IDUA: variants seen among roughly 807,000 people sequenced by gnomAD.
IDUA encodes the protein iduronidase alpha-L-.
Under a neutral mutation model 68.9 loss-of-function variants are expected in IDUA, and 65 were observed. That is an observed-to-expected ratio of 0.94 (90% CI 0.77 to 1.16). The LOEUF is 1.16. IDUA is among the 50% of genes most tolerant of loss of function. The pLI is 0.00. For synonymous variants in IDUA, 529 were observed against 433.6 expected, an observed-to-expected ratio of 1.22 and a Z score of -2.73; for missense variants, 1,046 against 938.0, an observed-to-expected ratio of 1.12 and a Z score of -1.50.
At chr4:987,774 G>A (rs1311099184) in intron 1 of IDUA, 35 bp from the exon 2 acceptor site, 4 of 1,610,894 alleles carry the variant, frequency 2.5e-6, no homozygotes, top group Admixed American at 3.3e-5. Context: ...GCCATGCTGA[G>A]GCTCGGGACT....
At chr4:988,245 T>A in intron 2 of IDUA, 1 of 1,269,544 alleles carries the variant, frequency 7.9e-7, no homozygotes, top group Non-Finnish European at 1.0e-6. Context: ...CTGGCCAGGC[T>A]GGGTAGGGCC....
At chr4:990,538 C>T (rs537966569) in intron 2 of IDUA, 72 of 635,530 alleles carry the variant, frequency 1.1e-4, no homozygotes, top group East Asian at 8.0e-4. Flanking sequence ...TGGTTCCACG[C>T]GTGCTCATGC....
chr4:1,002,997 C>T (rs1487117989), intron 9 of IDUA, 39 bp from the exon 10 acceptor site: 14 of 1,425,072 alleles, frequency 9.8e-6, no homozygotes, highest in South Asian at 1.5e-5. Flanking sequence ...CTGGAGGGGG[C>T]GGCCCGGGGA....
At chr4:1,002,711 C>A in intron 8 of IDUA, 21 bp from the exon 9 acceptor site, 1 of 1,403,260 alleles carries the variant, frequency 7.1e-7, no homozygotes, top group Non-Finnish European at 9.5e-7. Flanking sequence ...CACGCGGCGA[C>A]GGCCCCCCCC....
chr4:991,271 C>T lies in IDUA; in HGVS notation c.299+3322C>T, dbSNP rs387907486. ...AGGCCGTCCTGGGAGGGGTCAAAGC[C>T]GGCCAGCTGGAGCTCCCGGTCCACC... On this transcript the variant is annotated intron_variant, in intron 2 of 13. Transcript: ENST00000514224. The T allele has an allele frequency of 1.8e-5, 29 of 1,612,542 alleles. No homozygotes were observed. The highest frequency in any genetic ancestry group is 2.5e-5 in the Non-Finnish European group (29 of 1,179,866).
chr4:988,107 G>A, intron 2 of IDUA, 158 bp downstream of exon 2: 2 of 1,437,706 alleles, frequency 1.4e-6, no homozygotes, highest in Non-Finnish European at 1.8e-6. Context: ...GCTGGGGTGA[G>A]GGCTGTGTGC....
In IDUA at chr4:1,003,060, T is replaced by C; in HGVS notation, c.1427T>C (p.Leu476Pro). The change falls in exon 10 of 14, where the codon CTG (leucine) becomes CCG (proline). Residue 476 changes from leucine (L) to proline (P), a missense_variant. Leu to Pro is a moderately conservative substitution (Grantham distance 98, BLOSUM62 -3). Transcript: ENST00000514224. ...GGCCTGGTCTACGTCACGCGCTACCTGGACAACGGGCTCTGCAGCCCCGAC... is the reference window on the plus strand; with the variant it reads ...GGCCTGGTCTACGTCACGCGCTACCCGGACAACGGGCTCTGCAGCCCCGAC... ...GPGLVYVTRY[L>P]DNGLCSPDGE... The C allele has an allele frequency of 1.3e-6, 2 of 1,517,826 alleles. No individual in the cohort carries two copies. Among genetic ancestry groups the C allele is most frequent in the East Asian group, 2.7e-5 (1 of 36,734 alleles). 94.0% of individuals were successfully genotyped at this position (1,517,826 alleles called of 1,614,324 possible).
In IDUA at chr4:1,003,410, G is replaced by GCGGCTGC; in HGVS notation, c.1593_1599dup (p.Ser534AlafsTer40). Reference sequence around the variant, plus strand: ...GCCGCCTGACCCTGCGCCCCGCGCTGCGGCTGCCGTCGCTTTTGCTGGTGC... The same window carrying GCGGCTGC: ...GCCGCCTGACCCTGCGCCCCGCGCTGCGGCTGCCGGCTGCCGTCGCTTTTGCTGGTGC... On this transcript the variant is annotated frameshift_variant, in exon 11 of 14. Coordinates refer to ENST00000514224, the MANE Select transcript of IDUA (RefSeq NM_000203.5). LOFTEE classifies it high-confidence loss of function. 6.5e-7 allele frequency: 1 copy of GCGGCTGC among 1,526,950 alleles called. No homozygotes were observed. 94.6% of individuals were successfully genotyped at this position (1,526,950 alleles called of 1,614,324 possible). A position where few individuals can be genotyped will look rare whatever the true frequency, so the allele number is the denominator to read the frequency against.
chr4:988,161 C>A, intron 2 of IDUA: 1 of 1,396,946 alleles, frequency 7.2e-7, no homozygotes, highest in Non-Finnish European at 9.3e-7. Flanking sequence ...TCCTGCAGGT[C>A]TCCCTGCAGG....
chr4:988,394 A>G, intron 2 of IDUA: 4 of 1,062,878 alleles, frequency 3.8e-6, no homozygotes, highest in Non-Finnish European at 4.5e-6. Flanking sequence ...GGAAACACAG[A>G]GACCCTCGTG....
chr4:1,001,084 T>C (rs368241875), intron 4 of IDUA, 95 bp downstream of exon 4: 5 of 867,572 alleles, frequency 5.8e-6, no homozygotes, highest in Middle Eastern at 2.8e-4. Flanking sequence ...GGTCAGGAGA[T>C]ACATTGGTGG....
chr4:999,048 C>T (rs1018832474), intron 2 of IDUA, among the ~76,000 whole-genome samples: 1 of 151,706 alleles, frequency 6.6e-6, no homozygotes, highest in Non-Finnish European at 1.5e-5. Flanking sequence ...ACTAAAAATA[C>T]AAAAAAATTA....
In IDUA at chr4:1,002,751, C is replaced by T. The variant is rs990733414; in HGVS notation, c.1209C>T (p.Ala403=). The change falls in exon 9 of 14, where the codon GCC becomes GCT. Residue 403 remains alanine (A), a synonymous_variant. Coordinates refer to ENST00000514224, the MANE Select transcript of IDUA (RefSeq NM_000203.5). ...LALLDEEQLW[A]EVSQAGTVLD... ...CCGCAGATGAGGAGCAGCTCTGGGC[C>T]GAAGTGTCGCAGGCCGGGACCGTCC... 1 of 1,485,162 alleles carries T rather than the reference C, an allele frequency of 6.7e-7. No homozygotes were observed. The highest frequency in any genetic ancestry group is 8.9e-7 in the Non-Finnish European group (1 of 1,123,914). The allele number at this position is 1,485,162 out of a possible 1,614,324, so 92.0% of individuals were successfully genotyped here.
Position 1,002,714 on chromosome 4 carries a change from C to T in IDUA, c.1190-18C>T, listed in dbSNP as rs770175809. ...GGGCAACGACCCCACGCGGCGACGGCCCCCCCCCGCCCCGCAGATGAGGAG... is the reference window on the plus strand; with the variant it reads ...GGGCAACGACCCCACGCGGCGACGGTCCCCCCCCGCCCCGCAGATGAGGAG... On this transcript the variant is annotated intron_variant, in intron 8 of 13. Transcript: ENST00000514224. The T allele has an allele frequency of 3.3e-6, 4 of 1,204,554 alleles. No homozygotes were observed. The highest frequency in any genetic ancestry group is 6.4e-5 in the East Asian group (2 of 31,176). The allele number at this position is 1,204,554 out of a possible 1,614,324, so 74.6% of individuals were successfully genotyped here.
chr4:996,259 C>G lies in IDUA; in HGVS notation c.300-4353C>G, dbSNP rs150831164. On this transcript the variant is annotated intron_variant, in intron 2 of 13. Coordinates refer to ENST00000514224, the MANE Select transcript of IDUA (RefSeq NM_000203.5). ...CAGTCACGCAGGGCCTCAGGTCCCT[C>G]CCTGGGACAGATAAGGGCCCCTCTG... Among the ~76,000 whole-genome samples the G allele has an allele frequency of 2.8e-3, 422 of 152,294 alleles. 1 individual carries two copies. Among genetic ancestry groups the G allele is most frequent in the Middle Eastern group, 0.01 (3 of 294 alleles).
chr4:996,991 C>T (rs920355932), intron 2 of IDUA, among the ~76,000 whole-genome samples: 3 of 152,208 alleles, frequency 2.0e-5, no homozygotes, highest in Non-Finnish European at 4.4e-5. Flanking sequence ...CCGCCTGAAC[C>T]CCTGGCCAGT....
intron 2 of IDUA, among the ~76,000 whole-genome samples, chr4:996,761 G>T (rs2153020333): frequency 1.3e-5 from 2 of 152,310 alleles, no homozygotes; most frequent in Admixed American, 1.3e-4. Context: ...TGAGGCAGTG[G>T]CTGGTGCTGT....
intron 2 of IDUA, chr4:989,000 C>G (rs1713977062): frequency 6.3e-7 from 1 of 1,591,332 alleles, no homozygotes; most frequent in Non-Finnish European, 8.5e-7. Flanking sequence ...CTGCAGCAGG[C>G]TAGCAGCAGG....
chr4:997,205 G>A (rs550153126), intron 2 of IDUA, among the ~76,000 whole-genome samples: 12 of 152,086 alleles, frequency 7.9e-5, no homozygotes, highest in Admixed American at 6.5e-4. Flanking sequence ...GAGAAGAGGA[G>A]GCCCCGGCCC....
Sources: gnomAD v4.1 joint callset for allele counts (sites outside exome capture counted in the v4.1 genomes callset) on GRCh38, gnomAD v4.1.1 for gene constraint, MANE v1.5 for transcripts, NCBI Gene and HGNC (gene_info 2026-07-23, HGNC 2026-07-21) for gene names.